PBX3: variants seen among roughly 807,000 people sequenced by gnomAD.
PBX3 encodes the protein PBX homeobox 3, also known as pre-B-cell leukemia transcription factor 3.
A neutral mutation model predicts 48.5 loss-of-function variants in PBX3; 14 were observed. The observed-to-expected ratio is 0.29, with a 90% CI of 0.19 to 0.45. PBX3 has a LOEUF of 0.45. Among genes scored for constraint, PBX3 ranks in the 20% least tolerant of loss-of-function variants. PBX3 has a pLI of 1.00. For synonymous variants in PBX3, 210 were observed against 200.3 expected, an observed-to-expected ratio of 1.05 and a Z score of -0.41; for missense variants, 386 against 546.7, an observed-to-expected ratio of 0.71 and a Z score of 2.93.
At chr9:125,834,706 T>G (rs1319384247) in intron 2 of PBX3, among the ~76,000 whole-genome samples, 1 of 150,788 alleles carries the variant, frequency 6.6e-6, no homozygotes, top group East Asian at 2.0e-4. Context: ...CCAATTATTT[T>G]TACTTGTTTG....
chr9:125,765,689 C>G (rs948673032), intron 2 of PBX3, among the ~76,000 whole-genome samples: 3 of 152,080 alleles, frequency 2.0e-5, no homozygotes, highest in Non-Finnish European at 2.9e-5. Context: ...TATATTTCAT[C>G]TTTAAAACTT....
At chr9:125,882,748 T>C (rs1840410967) in intron 2 of PBX3, among the ~76,000 whole-genome samples, 1 of 152,254 alleles carries the variant, frequency 6.6e-6, no homozygotes, top group Admixed American at 6.5e-5. Flanking sequence ...TCTGTAAGCC[T>C]AGTTGGTATT....
chr9:125,900,628 C>T (rs1840922536), intron 2 of PBX3, among the ~76,000 whole-genome samples: 1 of 151,716 alleles, frequency 6.6e-6, no homozygotes. Flanking sequence ...GGTGGCTTTA[C>T]ACCTAAACAA....
chr9:125,800,770 T>G (rs1837918156), intron 2 of PBX3, among the ~76,000 whole-genome samples: 1 of 150,738 alleles, frequency 6.6e-6, no homozygotes, highest in South Asian at 2.1e-4. Flanking sequence ...TTTTTTTTTT[T>G]GAGACAGAGT....
intron 2 of PBX3, among the ~76,000 whole-genome samples, chr9:125,868,942 G>GT (rs1774127222): frequency 6.6e-6 from 1 of 152,026 alleles, no homozygotes; most frequent in African/African-American, 2.4e-5. Context: ...ATTAAACAAT[G>GT]AAGAAGCAGA....
intron 2 of PBX3, among the ~76,000 whole-genome samples, chr9:125,853,111 T>C (rs551428669): frequency 6.6e-6 from 1 of 152,338 alleles, no homozygotes; most frequent in East Asian, 1.9e-4. Flanking sequence ...ACCCAGAGAT[T>C]ATACTGTTGG....
In PBX3 at chr9:125,759,909, C is replaced by G. The variant is rs1396220544; in HGVS notation, c.274+11286C>G. On this transcript the variant is annotated intron_variant, in intron 2 of 8. Transcript: ENST00000373489. This position sits in a 1 kb window ranked among gnomAD's most constrained non-coding sequence, Gnocchi z 4.2. The stretch of plus-strand genomic sequence containing the variant: ...TGGCAGCCAGGAGCTGCTTGAAATG[C>G]AAAGAGCAACGATTGATTGGATTTG... 6.6e-6 allele frequency among the ~76,000 whole-genome samples: 1 copy of G among 152,180 alleles called. No individual in the cohort carries two copies. The highest frequency in any genetic ancestry group is 1.9e-4 in the East Asian group (1 of 5,204).
At chr9:125,793,389 A>G (rs1471760980) in intron 2 of PBX3, among the ~76,000 whole-genome samples, 1 of 143,916 alleles carries the variant, frequency 6.9e-6, no homozygotes, top group African/African-American at 2.6e-5. Flanking sequence ...ATATATATAT[A>G]TATTTACTAT....
At chr9:125,751,684 A>G (rs895320691) in intron 2 of PBX3, among the ~76,000 whole-genome samples, 1 of 152,220 alleles carries the variant, frequency 6.6e-6, no homozygotes, top group African/African-American at 2.4e-5. Context: ...TTAAAATAAA[A>G]ATAGTTGTTT....
intron 2 of PBX3, among the ~76,000 whole-genome samples, chr9:125,913,383 G>A (rs1454314746): frequency 6.6e-6 from 1 of 152,056 alleles, no homozygotes; most frequent in Non-Finnish European, 1.5e-5. Flanking sequence ...TATAGTAATT[G>A]ATACTGTATA....
chr9:125,949,792 G>A (rs1842152836), intron 5 of PBX3, among the ~76,000 whole-genome samples: 1 of 152,210 alleles, frequency 6.6e-6, no homozygotes, highest in South Asian at 2.1e-4. Context: ...CTGAATGCAT[G>A]TTGATGTTCT....
intron 5 of PBX3, among the ~76,000 whole-genome samples, chr9:125,959,366 C>T (rs544818569): frequency 5.9e-5 from 9 of 152,308 alleles, no homozygotes; most frequent in South Asian, 2.1e-4. Context: ...CATGGGTCCT[C>T]GGCAAGTATG....
At position 125,966,300 on chromosome 9, in the gene PBX3, A is replaced by C. The variant is rs893376119; in HGVS notation, c.*377A>C. On this transcript the variant is annotated 3_prime_UTR_variant, in exon 9 of 9. Coordinates refer to ENST00000373489, the MANE Select transcript of PBX3 (RefSeq NM_006195.6). ...CTCAACCGTTAAAGCAGATGCAAAA[A>C]TTCACCTCACCTAAATTGAACTTCT... 1 of 156,810 alleles carries C rather than the reference A, an allele frequency of 6.4e-6. No homozygotes were observed. The highest frequency in any genetic ancestry group is 1.4e-5 in the Non-Finnish European group (1 of 70,762). The allele number at this position is 156,810 out of a possible 1,614,324, so 9.7% of individuals were successfully genotyped here. A position where few individuals can be genotyped will look rare whatever the true frequency, so the allele number is the denominator to read the frequency against.
At chr9:125,798,168 G>A (rs892179630) in intron 2 of PBX3, among the ~76,000 whole-genome samples, 1 of 152,094 alleles carries the variant, frequency 6.6e-6, no homozygotes, top group African/African-American at 2.4e-5. Context: ...AGCTAAAAAG[G>A]TACAAAGTTC....
Position 125,747,600 on chromosome 9 carries a change from C to A in PBX3, c.147C>A (p.Ile49=). 1.9e-6 allele frequency: 3 copies of A among 1,608,332 alleles called. No individual in the cohort carries two copies. The highest frequency in any genetic ancestry group is 2.5e-6 in the Non-Finnish European group (3 of 1,177,364). Residue 49 remains isoleucine, a synonymous_variant, in exon 1 of 9, where the codon ATC becomes ATA. Coordinates refer to ENST00000373489, the MANE Select transcript of PBX3 (RefSeq NM_006195.6). ...GCAGGAAGCAGGACATCGGCGACAT[C>A]CTCCACCAGATCATGACCATCACCG... ...GDGRKQDIGD[I]LHQIMTITDQ...
At chr9:125,788,660 C>T (rs371036888) in intron 2 of PBX3, among the ~76,000 whole-genome samples, 1 of 152,004 alleles carries the variant, frequency 6.6e-6, no homozygotes, top group African/African-American at 2.4e-5. Context: ...ATTGCCTGAG[C>T]TCAGGAGTTC....
chr9:125,835,867 G>A (rs934864127), intron 2 of PBX3, among the ~76,000 whole-genome samples: 1 of 152,124 alleles, frequency 6.6e-6, no homozygotes, highest in Non-Finnish European at 1.5e-5. Flanking sequence ...CAAAAAAAAG[G>A]AAATCAGTAT....
At chr9:125,899,923 T>TGTTTTCTTG (rs1306003828) in intron 2 of PBX3, among the ~76,000 whole-genome samples, 2 of 29,590 alleles carry the variant, frequency 6.8e-5, no homozygotes, top group South Asian at 1.1e-3. Context: ...CCCCCAAAAG[T>TGTTTTCTTG]ATTTCATTTA....
intron 2 of PBX3, among the ~76,000 whole-genome samples, chr9:125,894,703 T>C (rs894800727): frequency 1.1e-4 from 16 of 152,166 alleles, no homozygotes; most frequent in African/African-American, 2.7e-4. Flanking sequence ...CTGACAGATA[T>C]AGCTTGTGGC....
Sources: allele counts gnomAD v4.1 joint callset (sites outside exome capture counted in the v4.1 genomes callset), GRCh38; gene constraint gnomAD v4.1.1; non-coding constraint Gnocchi (gnomAD v3.1); transcripts MANE v1.5; gene names NCBI Gene and HGNC (gene_info 2026-07-23, HGNC 2026-07-21).